The following CPEB1 variants were observed in gnomAD, a reference collection of about 807,000 sequenced individuals.
The protein encoded by CPEB1 is cytoplasmic polyadenylation element binding protein 1, also known as cytoplasmic polyadenylation element-binding protein 1.
A neutral mutation model predicts 65.8 loss-of-function variants in CPEB1; 7 were observed. The ratio of observed to expected loss-of-function variants is 0.11; its 90% CI spans 0.06 to 0.20. The LOEUF is 0.20. Among genes scored for constraint, CPEB1 ranks in the 10% least tolerant of loss-of-function variants. The pLI, the probability that CPEB1 is intolerant of heterozygous loss-of-function variation, is 1.00. For missense variants in CPEB1, 551 were observed against 712.2 expected, an observed-to-expected ratio of 0.77 and a Z score of 2.58; for synonymous variants, 262 against 260.0, an observed-to-expected ratio of 1.01 and a Z score of -0.08.
At chr15:82,598,938 G>T (rs1278219961) in intron 3 of CPEB1, among the ~76,000 whole-genome samples, 3 of 152,058 alleles carry the variant, frequency 2.0e-5, no homozygotes, top group African/African-American at 7.2e-5. Context: ...CACCTACTGT[G>T]TACCCATAAA....
chr15:82,552,436 T>C, intron 9 of CPEB1, 44 bp downstream of exon 9: 2 of 1,494,080 alleles, frequency 1.3e-6, no homozygotes, highest in Non-Finnish European at 1.8e-6. Context: ...AGTGCCTCAA[T>C]ATTCCAAGAC....
At chr15:82,631,818 T>G (rs2046271391) in intron 1 of CPEB1, among the ~76,000 whole-genome samples, 1 of 151,948 alleles carries the variant, frequency 6.6e-6, no homozygotes, top group African/African-American at 2.4e-5. Context: ...AAGGGCTGAA[T>G]CCACTACAGG....
intron 3 of CPEB1, among the ~76,000 whole-genome samples, chr15:82,582,628 C>T (rs528482018): frequency 6.6e-6 from 1 of 152,080 alleles, no homozygotes; most frequent in South Asian, 2.1e-4. Context: ...TACACTCATA[C>T]ATAATAACCC....
intron 1 of CPEB1, chr15:82,641,520 A>G (rs1279669385): frequency 1.3e-5 from 2 of 152,228 alleles, no homozygotes; most frequent in Non-Finnish European, 2.9e-5. Flanking sequence ...AAAGCAGCAT[A>G]TTATGCTGGC....
intron 6 of CPEB1, 101 bp from the exon 7 acceptor site, chr15:82,554,092 C>A: frequency 1.5e-6 from 1 of 651,468 alleles, no homozygotes; most frequent in South Asian, 2.2e-5. Context: ...TGACTGGCCA[C>A]AATCCTTGCC....
intron 3 of CPEB1, among the ~76,000 whole-genome samples, chr15:82,621,620 GAA>G (rs35287218): frequency 1.5e-5 from 2 of 130,474 alleles, no homozygotes; most frequent in African/African-American, 2.9e-5. Flanking sequence ...CTCCATCTCA[GAA>G]AAAAAAAAAA....
intron 11 of CPEB1, 23 bp from the exon 12 acceptor site, chr15:82,546,544 GA>G: frequency 6.3e-7 from 1 of 1,587,032 alleles, no homozygotes; most frequent in Non-Finnish European, 8.7e-7. Flanking sequence ...AAAATAAGAT[GA>G]TGAAGTGGCT....
intron 3 of CPEB1, 29 bp from the exon 4 acceptor site, chr15:82,571,561 C>T: frequency 5.0e-6 from 8 of 1,600,100 alleles, no homozygotes; most frequent in Non-Finnish European, 5.1e-6. Context: ...CAGCAGAAAC[C>T]TCAGAGTTAA....
intron 3 of CPEB1, among the ~76,000 whole-genome samples, chr15:82,603,706 T>C (rs1010647527): frequency 6.6e-6 from 1 of 152,080 alleles, no homozygotes; most frequent in Non-Finnish European, 1.5e-5. Context: ...GTTCTAAGCA[T>C]GTAAGGCAGT....
intron 9 of CPEB1, among the ~76,000 whole-genome samples, chr15:82,552,242 C>T (rs1302553480): frequency 6.6e-6 from 1 of 151,224 alleles, no homozygotes; most frequent in Non-Finnish European, 1.5e-5. Context: ...AGTTTGATTA[C>T]CATGGGCAGG....
At chr15:82,643,687 C>G (rs1262323297) in intron 1 of CPEB1, among the ~76,000 whole-genome samples, 1 of 151,982 alleles carries the variant, frequency 6.6e-6, no homozygotes, top group African/African-American at 2.4e-5. Flanking sequence ...CCCTTTACAT[C>G]CGTAAGTGTG....
intron 3 of CPEB1, among the ~76,000 whole-genome samples, chr15:82,625,462 AAAAT>A (rs2045678259): frequency 1.3e-5 from 2 of 152,246 alleles, no homozygotes; most frequent in African/African-American, 2.4e-5. Flanking sequence ...CCAAGTTAAA[AAAAT>A]AAATAAAAGA....
intron 7 of CPEB1, 131 bp downstream of exon 7, chr15:82,553,747 C>T: frequency 1.3e-6 from 1 of 767,520 alleles, no homozygotes; most frequent in African/African-American, 1.7e-5. Flanking sequence ...TGCACCTCTC[C>T]CCTCAGACAC....
chr15:82,638,936 G>C (rs1311013089), intron 1 of CPEB1, among the ~76,000 whole-genome samples: 1 of 152,224 alleles, frequency 6.6e-6, no homozygotes, highest in Non-Finnish European at 1.5e-5. Context: ...TGCTAAGTAA[G>C]TGCCAGCTGT....
chr15:82,606,969 TA>T (rs113244349), intron 3 of CPEB1, among the ~76,000 whole-genome samples: 1,869 of 151,242 alleles, frequency 0.012, 32 homozygotes, highest in African/African-American at 0.042. Context: ...TTTGTCTCTT[TA>T]AAAAAAACAA....
intron 3 of CPEB1, chr15:82,572,053 C>T (rs2040122761): frequency 6.2e-6 from 1 of 162,216 alleles, no homozygotes; most frequent in South Asian, 2.0e-4. Flanking sequence ...ACAGCAGAGC[C>T]AAAGCAGCCG....
rs914133619 is a variant in CPEB1 at position 82,628,462 on chromosome 15, T to C, written c.-3A>G. The C allele has an allele frequency of 4.3e-6, 3 of 702,800 alleles. No homozygotes were observed. The highest frequency in any genetic ancestry group is 2.7e-5 in the East Asian group (1 of 37,292). The allele number at this position is 702,800 out of a possible 1,614,324, so 43.5% of individuals were successfully genotyped here. A position where few individuals can be genotyped will look rare whatever the true frequency, so the allele number is the denominator to read the frequency against. ...GAAGTAGCAATGCCAGAAAACATATTGACATTAGATGATCTGGCAAAAGGG... is the reference window on the plus strand; with the variant it reads ...GAAGTAGCAATGCCAGAAAACATATCGACATTAGATGATCTGGCAAAAGGG... On this transcript the variant is annotated 5_prime_UTR_variant, in exon 2 of 13. Coordinates refer to ENST00000684509, the MANE Select transcript of CPEB1 (RefSeq NM_001365242.1).
chr15:82,584,902 G>GATTTTTTTTTTTTTTT (rs1491170341), intron 3 of CPEB1, among the ~76,000 whole-genome samples: 1 of 22,790 alleles, frequency 4.4e-5, no homozygotes, highest in African/African-American at 3.3e-4. Context: ...TTCCTAATTT[G>GATTTTTTTTTTTTTTT]CTTTTTTTTT....
rs1305515428 is a variant in CPEB1, at chr15:82,552,530, G to A, written c.1231C>T (p.Leu411=). The A allele has an allele frequency of 1.5e-5, 24 of 1,606,408 alleles. No homozygotes were observed. The highest frequency in any genetic ancestry group is 2.0e-5 in the Non-Finnish European group (23 of 1,177,552). The change falls in exon 9 of 13, where the codon CTG becomes TTG. Residue 411 remains leucine (L), a synonymous_variant. Coordinates refer to ENST00000684509, the MANE Select transcript of CPEB1 (RefSeq NM_001365242.1). ...CSHDPLSPDG[L]SEYYFKMSSR... ...GACATCTTGAAATAATATTCACTCA[G>A]GCCATCTGGGCTCAGCGGGTCATGA...
Sources: gnomAD v4.1 joint callset for allele counts (sites outside exome capture counted in the v4.1 genomes callset) on GRCh38, gnomAD v4.1.1 for gene constraint, MANE v1.5 for transcripts, NCBI Gene and HGNC (gene_info 2026-07-23, HGNC 2026-07-21) for gene names.